Variants in LRBA observed in about 807,000 individuals in gnomAD.
The protein encoded by LRBA is lipopolysaccharide-responsive and beige-like anchor protein.
Under a neutral mutation model 330.0 loss-of-function variants are expected in LRBA, and 176 were observed. The observed-to-expected ratio is 0.53, with a 90% CI of 0.47 to 0.60. The LOEUF is 0.60. Among genes scored for constraint, LRBA ranks in the 20% least tolerant of loss-of-function variants. The pLI is 0.00. For missense variants in LRBA, 3,259 were observed against 3,444.8 expected, an observed-to-expected ratio of 0.95 and a Z score of 1.35; for synonymous variants, 1,230 against 1,193.0, an observed-to-expected ratio of 1.03 and a Z score of -0.64.
At chr4:150,423,021 T>G in intron 46 of LRBA, 1 of 785,586 alleles carries the variant, frequency 1.3e-6, no homozygotes, top group Non-Finnish European at 2.4e-6. Flanking sequence ...GGCCTAGAGC[T>G]TCCAAGGCTT....
intron 46 of LRBA, among the ~76,000 whole-genome samples, chr4:150,425,151 T>C (rs999482239): frequency 6.6e-6 from 1 of 152,246 alleles, no homozygotes; most frequent in African/African-American, 2.4e-5. Context: ...TTTTGACAGA[T>C]GAAATGTAGT....
intron 24 of LRBA, among the ~76,000 whole-genome samples, 175 bp from the exon 25 acceptor site, chr4:150,849,750 A>C (rs551814187): frequency 1.8e-3 from 269 of 152,356 alleles, no homozygotes; most frequent in Non-Finnish European, 2.5e-3. Flanking sequence ...AGACCATTCC[A>C]TATCAGTAGT....
intron 44 of LRBA, among the ~76,000 whole-genome samples, chr4:150,443,853 A>AAAAAAAATATATATAT (rs70941406): frequency 1.3e-5 from 1 of 75,470 alleles, no homozygotes; most frequent in African/African-American, 3.9e-5. Flanking sequence ...TAATTAAAAA[A>AAAAAAAATATATATAT]ATATATATAT....
At position 150,584,177 on chromosome 4, in the gene LRBA, A is replaced by C. The variant is rs1771789468; in HGVS notation, c.6330+3871T>G. ...CTCTCAGACACACAACTCTGCTATAAACAGCAGAAACTCTGGACACAAACT... is the reference window on the plus strand; with the variant it reads ...CTCTCAGACACACAACTCTGCTATACACAGCAGAAACTCTGGACACAAACT... On this transcript the variant is annotated intron_variant, in intron 40 of 56. Coordinates refer to ENST00000651943, the MANE Select transcript of LRBA (RefSeq NM_001364905.1). The C allele has an allele frequency of 4.2e-6, 6 of 1,431,482 alleles. No homozygotes were observed. In the Admixed American group the frequency reaches 1.3e-4, roughly 32 times the overall value. 88.7% of individuals were successfully genotyped at this position (1,431,482 alleles called of 1,614,324 possible).
intron 53 of LRBA, among the ~76,000 whole-genome samples, chr4:150,298,553 A>G (rs1239272287): frequency 1.3e-5 from 2 of 152,120 alleles, no homozygotes; most frequent in Non-Finnish European, 2.9e-5. Flanking sequence ...TATGGCATAC[A>G]GTACTTTAAA....
At chr4:150,471,992 A>G (rs1756188183) in intron 42 of LRBA, among the ~76,000 whole-genome samples, 2 of 152,092 alleles carry the variant, frequency 1.3e-5, no homozygotes, top group African/African-American at 4.8e-5. Flanking sequence ...GTACAGGTTC[A>G]ATAAAAGTTG....
intron 36 of LRBA, among the ~76,000 whole-genome samples, chr4:150,731,598 A>C (rs1241534510): frequency 6.6e-6 from 1 of 152,180 alleles, no homozygotes; most frequent in Non-Finnish European, 1.5e-5. Context: ...AATCAAAACA[A>C]TTGAACTTGT....
At chr4:150,543,351 A>T (rs1386721850) in intron 40 of LRBA, among the ~76,000 whole-genome samples, 1 of 152,164 alleles carries the variant, frequency 6.6e-6, no homozygotes, top group Non-Finnish European at 1.5e-5. Flanking sequence ...TAGAAAGGAG[A>T]TACTATCCAC....
chr4:150,389,485 T>C (rs1056590568), intron 47 of LRBA, among the ~76,000 whole-genome samples: 20 of 152,014 alleles, frequency 1.3e-4, no homozygotes, highest in African/African-American at 4.8e-4. Flanking sequence ...GGTGGGCAGA[T>C]TGCTTGAGGC....
intron 50 of LRBA, among the ~76,000 whole-genome samples, chr4:150,317,211 T>C (rs1485140306): frequency 6.6e-6 from 1 of 152,304 alleles, no homozygotes; most frequent in Admixed American, 6.5e-5. Context: ...GAATTTTCTA[T>C]TCTCCTGTGA....
chr4:150,566,802 C>T (rs1472233242), intron 40 of LRBA, among the ~76,000 whole-genome samples: 1 of 152,016 alleles, frequency 6.6e-6, no homozygotes, highest in African/African-American at 2.4e-5. Flanking sequence ...AGTACTTCAG[C>T]ACTTATGAAA....
chr4:150,366,504 T>C (rs1022492149), intron 47 of LRBA, among the ~76,000 whole-genome samples: 1 of 152,196 alleles, frequency 6.6e-6, no homozygotes, highest in African/African-American at 2.4e-5. Context: ...TGGCAAGAGT[T>C]AATTGAAACA....
At chr4:150,538,539 G>A (rs1764935105) in intron 40 of LRBA, among the ~76,000 whole-genome samples, 1 of 152,070 alleles carries the variant, frequency 6.6e-6, no homozygotes, top group African/African-American at 2.4e-5. Flanking sequence ...TGCAGGAACA[G>A]AAAACCAAAT....
intron 40 of LRBA, 110 bp downstream of exon 40, chr4:150,587,938 C>A: frequency 8.2e-7 from 1 of 1,219,644 alleles, no homozygotes; most frequent in Non-Finnish European, 1.1e-6. Flanking sequence ...TAAGCCAAGG[C>A]AACTTAGAAG....
chr4:150,720,926 A>T (rs1331790024), intron 36 of LRBA: 2 of 372,172 alleles, frequency 5.4e-6, no homozygotes, highest in East Asian at 1.6e-4. Flanking sequence ...AATGTCTGCA[A>T]AGTTCTAAGG....
intron 44 of LRBA, among the ~76,000 whole-genome samples, chr4:150,443,994 A>G (rs1211803151): frequency 6.7e-6 from 1 of 149,312 alleles, no homozygotes; most frequent in Admixed American, 6.7e-5. Flanking sequence ...CTTTCATGGG[A>G]GCTTTAGATT....
intron 40 of LRBA, among the ~76,000 whole-genome samples, chr4:150,568,152 A>C (rs115049998): frequency 0.021 from 3,184 of 152,252 alleles, 116 homozygotes; most frequent in African/African-American, 0.071. Context: ...CAATAAATAA[A>C]TAAACAATAA....
intron 2 of LRBA, among the ~76,000 whole-genome samples, chr4:150,985,378 T>G (rs1013884327): frequency 6.6e-6 from 1 of 151,886 alleles, no homozygotes; most frequent in African/African-American, 2.4e-5. Context: ...AAATAACTAT[T>G]TTATGTTAGT....
At position 150,576,888 on chromosome 4, in the gene LRBA, T is replaced by C. The variant is rs201518281; in HGVS notation, c.6330+11160A>G. On this transcript the variant is annotated intron_variant, in intron 40 of 56. Coordinates refer to ENST00000651943, the MANE Select transcript of LRBA (RefSeq NM_001364905.1). ...ATAAAATTATCTGAAGTTCAACCTG[T>C]TCAAATGAGAACAATACCCTTGGGT... 2.4e-4 allele frequency among the ~76,000 whole-genome samples: 37 copies of C among 152,054 alleles called. No individual in the cohort carries two copies. In the East Asian group the frequency reaches 6.9e-3, roughly 29 times the overall value.
Sources: allele counts gnomAD v4.1 joint callset (sites outside exome capture counted in the v4.1 genomes callset), GRCh38; gene constraint gnomAD v4.1.1; transcripts MANE v1.5; gene names NCBI Gene and HGNC (gene_info 2026-07-23, HGNC 2026-07-21).